The following TGFBI variants were observed in gnomAD, a reference collection of about 807,000 sequenced individuals.
TGFBI encodes the protein transforming growth factor beta induced, also known as transforming growth factor-beta-induced protein ig-h3.
In TGFBI, 50 loss-of-function variants were observed where a neutral mutation model predicts 73.7. That is an observed-to-expected ratio of 0.68 (90% confidence interval 0.54 to 0.86). The LOEUF is 0.86. Ranked by LOEUF, TGFBI falls within the 40% of genes least tolerant of loss-of-function variation. The probability of loss-of-function intolerance (pLI) is 0.00; values close to 1 mark genes in which losing one functional copy is unlikely to be tolerated. For synonymous variants in TGFBI, 362 were observed against 360.5 expected (o/e 1.00, Z -0.05); for missense variants, 839 against 877.0 (o/e 0.96, Z 0.55).
At chr5:136,045,599 A>C (rs1234687978) in intron 3 of TGFBI, 1 of 152,156 alleles carries the variant, frequency 6.6e-6, no homozygotes, top group African/African-American at 2.4e-5. Context: ...CATAACAGGA[A>C]GGAGGGCAAT....
chr5:136,051,241 C>A (rs1751526372), intron 7 of TGFBI, among the ~76,000 whole-genome samples: 1 of 152,048 alleles, frequency 6.6e-6, no homozygotes, highest in African/African-American at 2.4e-5. Context: ...ACCAGCCTGG[C>A]CAACATGGTA....
chr5:136,054,661 T>G, intron 9 of TGFBI, 55 bp from the exon 10 acceptor site: 1 of 1,611,126 alleles, frequency 6.2e-7, no homozygotes, highest in Non-Finnish European at 8.5e-7. Flanking sequence ...CTCTCATCAC[T>G]CTCTTCATTG....
At chr5:136,054,964 ACTGGTTG>A (rs1414356176) in intron 10 of TGFBI, 103 bp downstream of exon 10, 8 of 1,367,992 alleles carry the variant, frequency 5.8e-6, no homozygotes, top group African/African-American at 1.5e-5. Flanking sequence ...TTGCATGAGA[ACTGGTTG>A]CTGACAAGGA....
chr5:136,055,404 A>G lies in TGFBI; in HGVS notation c.1411-276A>G, dbSNP rs116277442. On this transcript the variant is annotated intron_variant, in intron 10 of 16. Transcript: ENST00000442011. Reference sequence around the variant, plus strand: ...ATGGGTTCAACGTATTTATTTCAACATTGTCAATGGACCTCATGTGTAACT... The same window carrying G: ...ATGGGTTCAACGTATTTATTTCAACGTTGTCAATGGACCTCATGTGTAACT... 1.1e-3 allele frequency: 361 copies of G among 342,276 alleles called. 1 individual carries two copies. Among genetic ancestry groups the G allele is most frequent in the Non-Finnish European group, 1.5e-3 (291 of 189,942 alleles). 21.2% of individuals were successfully genotyped at this position (342,276 alleles called of 1,614,324 possible).
At chr5:136,031,606 CCCAGCT>C (rs1474090886) in intron 1 of TGFBI, among the ~76,000 whole-genome samples, 4 of 152,130 alleles carry the variant, frequency 2.6e-5, no homozygotes, top group Non-Finnish European at 4.4e-5. Flanking sequence ...TCTCTTGACT[CCCAGCT>C]ATATCTGTGT....
chr5:136,033,228 C>T (rs1201421969), intron 1 of TGFBI, among the ~76,000 whole-genome samples: 1 of 152,176 alleles, frequency 6.6e-6, no homozygotes, highest in Non-Finnish European at 1.5e-5. Flanking sequence ...TCATCTGGGA[C>T]ATTGGAGAAA....
intron 3 of TGFBI, chr5:136,044,870 G>A (rs1321264034): frequency 2.0e-5 from 3 of 152,050 alleles, no homozygotes; most frequent in Admixed American, 2.0e-4. Flanking sequence ...GATATAAAGT[G>A]GTATAGTATT....
intron 9 of TGFBI, among the ~76,000 whole-genome samples, chr5:136,054,402 A>G (rs1009464398): frequency 5.3e-5 from 8 of 152,168 alleles, no homozygotes; most frequent in Non-Finnish European, 1.0e-4. Flanking sequence ...TCACTTGCCA[A>G]TGTATAGTCA....
intron 2 of TGFBI, among the ~76,000 whole-genome samples, chr5:136,042,420 G>A (rs1751355949): frequency 6.6e-6 from 1 of 152,194 alleles, no homozygotes. Flanking sequence ...TGGATCACAA[G>A]TCAAATCTCC....
intron 11 of TGFBI, 116 bp downstream of exon 11, chr5:136,055,932 C>T: frequency 8.8e-7 from 1 of 1,139,252 alleles, no homozygotes; most frequent in Non-Finnish European, 1.2e-6. Flanking sequence ...TTAACACTAG[C>T]AGTGCACTGC....
At position 136,046,252 on chromosome 5, in the gene TGFBI, C is replaced by T. The variant is rs890328892; in HGVS notation, c.299-83C>T. On this transcript the variant is annotated intron_variant, in intron 3 of 16. Coordinates refer to ENST00000442011, the MANE Select transcript of TGFBI (RefSeq NM_000358.3). ...CTCGTCCTCTCCACCTGTAGATGTACCGTGCTCTCTGTCAGAGAAGGGAGG... is the reference window on the plus strand; with the variant it reads ...CTCGTCCTCTCCACCTGTAGATGTATCGTGCTCTCTGTCAGAGAAGGGAGG... The T allele has an allele frequency of 9.1e-6, 14 of 1,539,318 alleles. No individual in the cohort carries two copies. In the African/African-American group the frequency reaches 1.1e-4, roughly 12 times the overall value.
At chr5:136,052,244 C>T (rs1278136679) in intron 7 of TGFBI, among the ~76,000 whole-genome samples, 1 of 152,262 alleles carries the variant, frequency 6.6e-6, no homozygotes, top group African/African-American at 2.4e-5. Flanking sequence ...AATTATTATA[C>T]TTACTATTTA....
rs1443915743 is a variant in TGFBI, at chr5:136,046,993, A to G, written c.602A>G (p.Gln201Arg). ...TCTATGTACCAGAATTCCAACATCC[A>G]GATCCACCACTATCCTAATGGGGTA... is the stretch of plus-strand genomic sequence containing the variant. ...LTSMYQNSNI[Q>R]IHHYPNGIVT... is the part of the protein sequence containing the mutation. The change falls in exon 5 of 17, where the codon CAG (glutamine) becomes CGG (arginine). Residue 201 changes from glutamine to arginine, a missense_variant. Gln to Arg is a conservative substitution (Grantham distance 43). Coordinates refer to ENST00000442011, the MANE Select transcript of TGFBI (RefSeq NM_000358.3). The G allele has an allele frequency of 6.2e-7, 1 of 1,613,032 alleles. No individual in the cohort carries two copies. The highest frequency in any genetic ancestry group is 1.3e-5 in the African/African-American group (1 of 75,016).
chr5:136,061,031 A>T (rs1330728137), intron 14 of TGFBI, 95 bp downstream of exon 14: 1 of 867,880 alleles, frequency 1.2e-6, no homozygotes, highest in Admixed American at 3.0e-5. Flanking sequence ...AATGATGAGA[A>T]TAACATGTAA....
At position 136,063,701 on chromosome 5, in the gene TGFBI, G is replaced by A. The variant is rs1751789173; in HGVS notation, c.*475G>A. ...TCAAATGTGTCTCACATCTACACGT[G>A]GCTTGGAGGCTTTTATGGGGCCCTG... On this transcript the variant is annotated 3_prime_UTR_variant, in exon 17 of 17. Coordinates refer to ENST00000442011, the MANE Select transcript of TGFBI (RefSeq NM_000358.3). The A allele has an allele frequency of 5.9e-6, 1 of 168,588 alleles. No individual in the cohort carries two copies. The highest frequency in any genetic ancestry group is 1.6e-4 in the South Asian group (1 of 6,210). 10.4% of individuals were successfully genotyped at this position (168,588 alleles called of 1,614,324 possible).
At chr5:136,049,684 C>T (rs1302507971) in intron 7 of TGFBI, 104 bp downstream of exon 7, 20 of 1,379,986 alleles carry the variant, frequency 1.4e-5, no homozygotes, top group Non-Finnish European at 2.0e-5. Flanking sequence ...TGAGGTGACC[C>T]TCAGGATATC....
intron 15 of TGFBI, 30 bp downstream of exon 15, chr5:136,061,609 C>T (rs1375063860): frequency 1.3e-6 from 2 of 1,581,142 alleles, no homozygotes; most frequent in South Asian, 2.2e-5. Flanking sequence ...TGCGCCTAGC[C>T]TGAGCAGCCT....
At chr5:136,034,840 G>A (rs1751186877) in intron 2 of TGFBI, among the ~76,000 whole-genome samples, 1 of 152,136 alleles carries the variant, frequency 6.6e-6, no homozygotes, top group Non-Finnish European at 1.5e-5. Context: ...CCTTCCTCCT[G>A]TCTCCATACA....
At position 136,052,894 on chromosome 5, in the gene TGFBI, G is replaced by T; in HGVS notation, c.914-13G>T. On this transcript the variant is annotated splice_polypyrimidine_tract_variant and intron_variant, in intron 7 of 16. Transcript: ENST00000442011. Reference sequence around the variant, plus strand: ...GTGGACCCTGACTTGACCTGAGTCTGTTTGGACCCCAGACCTGCTGAACAA... The same window carrying T: ...GTGGACCCTGACTTGACCTGAGTCTTTTTGGACCCCAGACCTGCTGAACAA... 6.2e-7 allele frequency: 1 copy of T among 1,612,698 alleles called. No homozygotes were observed. The highest frequency in any genetic ancestry group is 8.5e-7 in the Non-Finnish European group (1 of 1,178,830).
Sources: allele counts gnomAD v4.1 joint callset (sites outside exome capture counted in the v4.1 genomes callset), GRCh38; gene constraint gnomAD v4.1.1; transcripts MANE v1.5; gene names NCBI Gene and HGNC (gene_info 2026-07-23, HGNC 2026-07-21).